PKIA: variants seen among roughly 807,000 people sequenced by gnomAD.
PKIA encodes the protein PKI-alpha.
A neutral mutation model predicts 7.6 loss-of-function variants in PKIA; 4 were observed. The ratio of observed to expected loss-of-function variants is 0.52; its 90% confidence interval spans 0.26 to 1.20. The LOEUF is 1.20. Ranked by LOEUF, PKIA falls within the 50% of genes most tolerant of loss-of-function variation. PKIA has a pLI of 0.13. For missense variants in PKIA, 73 were observed against 86.2 expected (o/e 0.85, Z 0.61); for synonymous variants, 21 against 30.7 (o/e 0.68, Z 1.04).
chr8:78,560,347 C>G (rs920630506), intron 1 of PKIA, among the ~76,000 whole-genome samples: 4 of 151,912 alleles, frequency 2.6e-5, no homozygotes, highest in Admixed American at 2.6e-4. Flanking sequence ...AAGCTTTTTC[C>G]CCACCAGAAC....
intron 2 of PKIA, among the ~76,000 whole-genome samples, chr8:78,582,034 A>G (rs1807823619): frequency 6.6e-6 from 1 of 152,078 alleles, no homozygotes; most frequent in Non-Finnish European, 1.5e-5. Context: ...TTATGAACAA[A>G]AGACAAGTCA....
chr8:78,597,276 C>A (rs1270631942), intron 2 of PKIA, among the ~76,000 whole-genome samples: 1 of 151,968 alleles, frequency 6.6e-6, no homozygotes, highest in Non-Finnish European at 1.5e-5. Flanking sequence ...GGCAGTATGG[C>A]CATTTTAATG....
chr8:78,524,526 A>G (rs1300661752), intron 1 of PKIA, among the ~76,000 whole-genome samples: 1 of 151,770 alleles, frequency 6.6e-6, no homozygotes, highest in Non-Finnish European at 1.5e-5. Flanking sequence ...TTACATGCCC[A>G]TATTTATTAG....
intron 1 of PKIA, among the ~76,000 whole-genome samples, chr8:78,571,251 G>A (rs1251563846): frequency 6.6e-5 from 10 of 151,598 alleles, no homozygotes; most frequent in Non-Finnish European, 1.2e-4. Flanking sequence ...TGTTATCAAT[G>A]CATTAGTACT....
At chr8:78,552,923 G>A (rs1339737140) in intron 1 of PKIA, among the ~76,000 whole-genome samples, 2 of 151,764 alleles carry the variant, frequency 1.3e-5, no homozygotes, top group African/African-American at 4.8e-5. Context: ...AGAAAGGAAG[G>A]CTCTTACAAA....
chr8:78,588,016 G>A (rs1450939092), intron 2 of PKIA, among the ~76,000 whole-genome samples: 2 of 152,126 alleles, frequency 1.3e-5, no homozygotes, highest in African/African-American at 2.4e-5. Flanking sequence ...ACAAAACTCT[G>A]TGCCATACAT....
At chr8:78,577,017 T>G (rs544385375) in intron 2 of PKIA, among the ~76,000 whole-genome samples, 1 of 152,128 alleles carries the variant, frequency 6.6e-6, no homozygotes, top group South Asian at 2.1e-4. Flanking sequence ...AAGAATGAGA[T>G]AATGTCTTTT....
intron 2 of PKIA, among the ~76,000 whole-genome samples, chr8:78,584,491 G>T (rs769550466): frequency 6.6e-6 from 1 of 151,938 alleles, no homozygotes; most frequent in Non-Finnish European, 1.5e-5. Flanking sequence ...ATTAAAAGTT[G>T]GTGTGAATTA....
At chr8:78,593,544 A>T (rs935441387) in intron 2 of PKIA, among the ~76,000 whole-genome samples, 2 of 152,236 alleles carry the variant, frequency 1.3e-5, no homozygotes, top group African/African-American at 4.8e-5. Context: ...TGCTAGATTG[A>T]TGTGCATGTT....
At chr8:78,555,110 T>G (rs1254794114) in intron 1 of PKIA, among the ~76,000 whole-genome samples, 1 of 152,020 alleles carries the variant, frequency 6.6e-6, no homozygotes, top group African/African-American at 2.4e-5. Context: ...TTCAAACTTT[T>G]ACAAAGGAAT....
At chr8:78,592,884 T>C (rs1318936541) in intron 2 of PKIA, among the ~76,000 whole-genome samples, 1 of 152,198 alleles carries the variant, frequency 6.6e-6, no homozygotes. Context: ...AGGATATGTA[T>C]TATCATGGCA....
At chr8:78,577,390 ATACTAGGCTTAG>A (rs1563586680) in intron 2 of PKIA, among the ~76,000 whole-genome samples, 1 of 151,852 alleles carries the variant, frequency 6.6e-6, no homozygotes, top group Non-Finnish European at 1.5e-5. Context: ...TAACTGTTGG[ATACTAGGCTTAG>A]TACCTGGGTG....
At chr8:78,564,172 A>T (rs766836125) in intron 1 of PKIA, among the ~76,000 whole-genome samples, 7 of 151,062 alleles carry the variant, frequency 4.6e-5, no homozygotes, top group Admixed American at 6.6e-5. Context: ...AGCCTTATTT[A>T]AAAAAAAAGA....
intron 1 of PKIA, among the ~76,000 whole-genome samples, chr8:78,564,671 A>G (rs1807362960): frequency 6.6e-6 from 1 of 151,932 alleles, no homozygotes; most frequent in African/African-American, 2.4e-5. Flanking sequence ...AAATCATTAT[A>G]TAAAGGTGTT....
chr8:78,553,208 A>G (rs1807032360), intron 1 of PKIA, among the ~76,000 whole-genome samples: 1 of 151,916 alleles, frequency 6.6e-6, no homozygotes, highest in African/African-American at 2.4e-5. Flanking sequence ...TCATTTAGTA[A>G]TAATGGAAAC....
intron 2 of PKIA, among the ~76,000 whole-genome samples, chr8:78,593,011 T>C (rs1808139960): frequency 6.6e-6 from 1 of 152,180 alleles, no homozygotes; most frequent in African/African-American, 2.4e-5. Flanking sequence ...TATGATTTAG[T>C]GGTTACTTAA....
chr8:78,564,415 A>G (rs1369080865), intron 1 of PKIA, among the ~76,000 whole-genome samples: 1 of 152,020 alleles, frequency 6.6e-6, no homozygotes, highest in East Asian at 1.9e-4. Flanking sequence ...TTTTAAATAT[A>G]TATGTGATGT....
At chr8:78,528,875 TTAAG>T (rs530808001) in intron 1 of PKIA, among the ~76,000 whole-genome samples, 2 of 152,186 alleles carry the variant, frequency 1.3e-5, no homozygotes, top group South Asian at 2.1e-4. Context: ...TTCATTTTTA[TTAAG>T]TGTTATATAC....
chr8:78,599,689 T>C (rs894341094), intron 3 of PKIA, among the ~76,000 whole-genome samples: 4 of 152,014 alleles, frequency 2.6e-5, no homozygotes, highest in African/African-American at 9.7e-5. Context: ...AGAAAGACTG[T>C]ATGGGGAATT....
Sources: allele counts gnomAD v4.1 joint callset (sites outside exome capture counted in the v4.1 genomes callset), GRCh38; gene constraint gnomAD v4.1.1; transcripts MANE v1.5; gene names NCBI Gene and HGNC (gene_info 2026-07-23, HGNC 2026-07-21).